Variants in TRIM44 observed in about 807,000 individuals in gnomAD.
TRIM44 encodes the protein tripartite motif-containing protein 44.
In TRIM44, 13 loss-of-function variants were observed where a neutral mutation model predicts 37.4. The observed-to-expected ratio is 0.35, with a 90% confidence interval of 0.23 to 0.55. TRIM44 has a LOEUF of 0.55. TRIM44 is among the 20% of genes least tolerant of loss of function. TRIM44 has a pLI of 0.89. For synonymous variants in TRIM44, 175 were observed against 157.2 expected, an observed-to-expected ratio of 1.11 and a Z score of -0.85; for missense variants, 426 against 437.2, an observed-to-expected ratio of 0.97 and a Z score of 0.23.
At chr11:35,754,494 T>A (rs1217332468) in intron 4 of TRIM44, among the ~76,000 whole-genome samples, 2 of 152,142 alleles carry the variant, frequency 1.3e-5, no homozygotes, top group Non-Finnish European at 2.9e-5. Flanking sequence ...CCTTCAATCT[T>A]TATAGTTTAT....
At chr11:35,802,642 A>G (rs1273455050) in intron 4 of TRIM44, among the ~76,000 whole-genome samples, 1 of 152,220 alleles carries the variant, frequency 6.6e-6, no homozygotes, top group Non-Finnish European at 1.5e-5. Context: ...ACTTTTAGAT[A>G]CAGCAGTACC....
chr11:35,697,480 T>G (rs575422569), intron 2 of TRIM44, among the ~76,000 whole-genome samples: 2 of 150,194 alleles, frequency 1.3e-5, no homozygotes, highest in African/African-American at 2.5e-5. Flanking sequence ...ACCTTTAAGT[T>G]TTAGGGTACA....
At position 35,815,447 on chromosome 11, in the gene TRIM44, T is replaced by A. The variant is rs1853571340; in HGVS notation, c.*9062T>A. ...GCAATAGGGAGTGTCAGTAGGGTAG[T>A]TTCAGGTGGGGAGGATGACAAACCA... is the stretch of plus-strand genomic sequence containing the variant. On this transcript the variant is annotated 3_prime_UTR_variant, in exon 5 of 5. Coordinates refer to ENST00000299413, the MANE Select transcript of TRIM44 (RefSeq NM_017583.6). The A allele has an allele frequency of 6.6e-6, 1 of 152,122 alleles. No individual in the cohort carries two copies. Among genetic ancestry groups the A allele is most frequent in the South Asian group, 2.1e-4 (1 of 4,828 alleles). The allele number at this position is 152,122 out of a possible 1,614,324, so 9.4% of individuals were successfully genotyped here.
intron 4 of TRIM44, among the ~76,000 whole-genome samples, chr11:35,736,624 T>A (rs1852328967): frequency 1.3e-5 from 2 of 152,240 alleles, no homozygotes; most frequent in Admixed American, 1.3e-4. Flanking sequence ...CATCTCTTGG[T>A]GTGTTCTTCC....
At chr11:35,776,271 T>C (rs998880078) in intron 4 of TRIM44, among the ~76,000 whole-genome samples, 3 of 152,228 alleles carry the variant, frequency 2.0e-5, no homozygotes, top group African/African-American at 7.2e-5. Context: ...TATTCTCTGA[T>C]GGTAGTTTGT....
chr11:35,721,285 A>T (rs967763345), intron 2 of TRIM44, among the ~76,000 whole-genome samples: 2 of 152,220 alleles, frequency 1.3e-5, no homozygotes, highest in Non-Finnish European at 2.9e-5. Context: ...CTTTTAAAAA[A>T]TAGTTTTTAA....
intron 4 of TRIM44, among the ~76,000 whole-genome samples, chr11:35,767,641 G>A (rs557006094): frequency 1.4e-4 from 22 of 152,192 alleles, no homozygotes; most frequent in East Asian, 5.8e-4. Context: ...CACTTCAGAT[G>A]TATTATTTGA....
At chr11:35,690,520 AAAG>A (rs1244850317) in intron 2 of TRIM44, among the ~76,000 whole-genome samples, 16 of 152,226 alleles carry the variant, frequency 1.1e-4, no homozygotes, top group Non-Finnish European at 1.3e-4. Context: ...CTGTGCCAAA[AAAG>A]AAGTATTCAC....
At chr11:35,696,291 G>A (rs1217124303) in intron 2 of TRIM44, among the ~76,000 whole-genome samples, 1 of 151,534 alleles carries the variant, frequency 6.6e-6, no homozygotes. Flanking sequence ...ACAGGTGCCC[G>A]CTACCATGCC....
intron 4 of TRIM44, among the ~76,000 whole-genome samples, chr11:35,759,806 C>G (rs1852697790): frequency 6.6e-6 from 1 of 152,206 alleles, no homozygotes; most frequent in South Asian, 2.1e-4. Context: ...GCCTGCAGAA[C>G]AGCATATATT....
intron 1 of TRIM44, 132 bp downstream of exon 1, chr11:35,663,912 A>G (rs1274559832): frequency 2.6e-5 from 28 of 1,077,302 alleles, no homozygotes; most frequent in Non-Finnish European, 3.6e-5. Context: ...TTTTGGGAGC[A>G]GTTCTTATTC....
At chr11:35,708,992 C>G (rs76192332) in intron 2 of TRIM44, among the ~76,000 whole-genome samples, 2 of 118,192 alleles carry the variant, frequency 1.7e-5, no homozygotes, top group Admixed American at 8.6e-5. Context: ...GCCCCCCCCC[C>G]AAAAAAAAAG....
At chr11:35,780,406 A>G (rs562428166) in intron 4 of TRIM44, among the ~76,000 whole-genome samples, 1 of 152,218 alleles carries the variant, frequency 6.6e-6, no homozygotes, top group Non-Finnish European at 1.5e-5. Context: ...AGACTCCCTT[A>G]TACAGCAGCT....
At position 35,725,938 on chromosome 11, in the gene TRIM44, A is replaced by G; in HGVS notation, c.762A>G (p.Gln254=). Residue 254 remains glutamine, a synonymous_variant, in exon 3 of 5, where the codon CAA becomes CAG. Transcript: ENST00000299413. ...CTGTTCTAAAGGTAACTCGGGACCA[A>G]ATGAAGATGTTTATACAGCAGGAAT... ...KSSDPKVTRD[Q]MKMFIQQEFK... is the part of the protein sequence containing the mutation. 2.5e-6 allele frequency: 4 copies of G among 1,614,012 alleles called. No homozygotes were observed. Among genetic ancestry groups the G allele is most frequent in the Non-Finnish European group, 3.4e-6 (4 of 1,179,946 alleles).
intron 1 of TRIM44, among the ~76,000 whole-genome samples, chr11:35,673,572 G>C (rs976164388): frequency 2.6e-4 from 40 of 152,332 alleles, no homozygotes; most frequent in African/African-American, 8.9e-4. Context: ...CTTCATTAAA[G>C]AACTAGAGTG....
chr11:35,806,274 A>G, intron 4 of TRIM44, 84 bp from the exon 5 acceptor site: 4 of 1,461,346 alleles, frequency 2.7e-6, no homozygotes, highest in Non-Finnish European at 3.8e-6. Context: ...TGTCTGACAT[A>G]AAGTCTGTGC....
chr11:35,735,595 A>G (rs903453420), intron 4 of TRIM44, 150 bp downstream of exon 4: 46 of 764,376 alleles, frequency 6.0e-5, no homozygotes, highest in Non-Finnish European at 9.5e-5. Flanking sequence ...CTTATTTTGT[A>G]AGACTCCCGT....
At chr11:35,735,282 T>G in intron 3 of TRIM44, 144 bp from the exon 4 acceptor site, 1 of 757,890 alleles carries the variant, frequency 1.3e-6, no homozygotes, top group East Asian at 2.6e-5. Flanking sequence ...GTCTTAGCCT[T>G]TAGATGTCTG....
chr11:35,741,738 A>C (rs1033329284), intron 4 of TRIM44, among the ~76,000 whole-genome samples: 1 of 152,162 alleles, frequency 6.6e-6, no homozygotes, highest in Non-Finnish European at 1.5e-5. Context: ...TAGGAGCTCT[A>C]TTCCCTAACC....
Sources: allele counts gnomAD v4.1 joint callset (sites outside exome capture counted in the v4.1 genomes callset), GRCh38; gene constraint gnomAD v4.1.1; transcripts MANE v1.5; gene names NCBI Gene and HGNC (gene_info 2026-07-23, HGNC 2026-07-21).